PITPNM3: variants seen among roughly 807,000 people sequenced by gnomAD.
PITPNM3 encodes PITPNM family member 3.
Under a neutral mutation model 102.0 loss-of-function variants are expected in PITPNM3, and 26 were observed. The ratio of observed to expected loss-of-function variants is 0.25; its 90% CI spans 0.19 to 0.35. PITPNM3 has a LOEUF of 0.35. PITPNM3 is among the 10% of genes least tolerant of loss of function. The pLI, the probability that PITPNM3 is intolerant of heterozygous loss-of-function variation, is 1.00. For missense variants in PITPNM3, 1,083 were observed against 1,346.1 expected (o/e 0.80, Z 3.06); for synonymous variants, 578 against 558.6 (o/e 1.03, Z -0.49).
Position 6,477,984 on chromosome 17 carries a change from G to A in PITPNM3, c.891C>T (p.Ser297=). The change falls in exon 8 of 20, where the codon AGC becomes AGT. Residue 297 remains serine (S), a synonymous_variant. Coordinates refer to ENST00000262483, the MANE Select transcript of PITPNM3 (RefSeq NM_031220.4). ...PASSSRKGSI[S]STQDTPVAVE... ...TGTCCCCCGGCTGTACCTGGGTGCTGCTGATGCTCCCCTTCCGGCTGCTGC... is the reference window on the plus strand; with the variant it reads ...TGTCCCCCGGCTGTACCTGGGTGCTACTGATGCTCCCCTTCCGGCTGCTGC... 1 of 1,612,966 alleles carries A rather than the reference G, an allele frequency of 6.2e-7. No homozygotes were observed. The highest frequency in any genetic ancestry group is 8.5e-7 in the Non-Finnish European group (1 of 1,180,032).
chr17:6,544,201 T>C (rs890859016), intron 1 of PITPNM3, among the ~76,000 whole-genome samples: 2 of 152,140 alleles, frequency 1.3e-5, no homozygotes, highest in Non-Finnish European at 2.9e-5. Context: ...CTGCCAATGC[T>C]GGATGGACTT....
At chr17:6,474,650 C>T (rs756820242) in intron 9 of PITPNM3, 46 bp from the exon 10 acceptor site, 42 of 1,535,652 alleles carry the variant, frequency 2.7e-5, no homozygotes, top group East Asian at 9.8e-5. Context: ...AGGGAAGGAC[C>T]GAGAATGCGG....
In PITPNM3 at chr17:6,459,458, G is replaced by A. The variant is rs116280149; in HGVS notation, c.2491-1736C>T. On this transcript the variant is annotated intron_variant, in intron 18 of 19. Coordinates refer to ENST00000262483, the MANE Select transcript of PITPNM3 (RefSeq NM_031220.4). This position sits in a 1 kb window ranked among gnomAD's most constrained non-coding sequence, Gnocchi z 5.0. ...AGCCTCTTCTAACGCCTCATCTCCC[G>A]TCTCATGGCTCCACTGATCCGTCTC... is the stretch of plus-strand genomic sequence containing the variant. 9.7e-3 allele frequency among the ~76,000 whole-genome samples: 1,477 copies of A among 151,712 alleles called. 16 individuals are homozygous for A. The highest frequency in any genetic ancestry group is 0.033 in the African/African-American group (1,380 of 41,294).
chr17:6,552,421 A>G (rs1910361407), intron 1 of PITPNM3, among the ~76,000 whole-genome samples: 1 of 152,096 alleles, frequency 6.6e-6, no homozygotes, highest in South Asian at 2.1e-4. Context: ...GGCTGGCAGG[A>G]GTCAGAATCA....
At chr17:6,550,389 T>C (rs763814590) in intron 1 of PITPNM3, among the ~76,000 whole-genome samples, 34 of 152,200 alleles carry the variant, frequency 2.2e-4, no homozygotes, top group Non-Finnish European at 3.5e-4. Flanking sequence ...AGAGCTGCTA[T>C]AGGATCTGAG....
chr17:6,462,781 G>A (rs1193068081), intron 17 of PITPNM3, among the ~76,000 whole-genome samples: 1 of 152,198 alleles, frequency 6.6e-6, no homozygotes, highest in Non-Finnish European at 1.5e-5. Flanking sequence ...CAGGGGTGCA[G>A]GGATCACCCC....
In PITPNM3 at chr17:6,469,800, A is replaced by T. The variant is rs575527167; in HGVS notation, c.1773+460T>A. Among the ~76,000 whole-genome samples the T allele has an allele frequency of 1.3e-5, 2 of 152,294 alleles. No homozygotes were observed. The highest frequency in any genetic ancestry group is 4.2e-4 in the South Asian group (2 of 4,812). On this transcript the variant is annotated intron_variant, in intron 13 of 19. Coordinates refer to ENST00000262483, the MANE Select transcript of PITPNM3 (RefSeq NM_031220.4). This position sits in a 1 kb window ranked among gnomAD's most constrained non-coding sequence, Gnocchi z 4.0. Reference sequence around the variant, plus strand: ...GCAATGGCTTCCCGTTGAACCCAATATAAAACCATACCCCTGACCTTGGCC... The same window carrying T: ...GCAATGGCTTCCCGTTGAACCCAATTTAAAACCATACCCCTGACCTTGGCC...
chr17:6,477,244 A>G, intron 8 of PITPNM3, 31 bp from the exon 9 acceptor site: 4 of 1,607,980 alleles, frequency 2.5e-6, no homozygotes, highest in Non-Finnish European at 3.4e-6. Flanking sequence ...CAGGAGAGAA[A>G]AAGACTGTTG....
At chr17:6,543,972 G>C (rs866751763) in intron 1 of PITPNM3, among the ~76,000 whole-genome samples, 1 of 152,228 alleles carries the variant, frequency 6.6e-6, no homozygotes, top group African/African-American at 2.4e-5. Context: ...CAAGGGTAAG[G>C]AGCATCGGGG....
chr17:6,455,662 G>T lies in PITPNM3; in HGVS notation c.2620-19C>A, dbSNP rs373992381. 2.4e-5 allele frequency: 35 copies of T among 1,474,030 alleles called. No homozygotes were observed. The highest frequency in any genetic ancestry group is 2.8e-5 in the Non-Finnish European group (31 of 1,122,160). 91.3% of individuals were successfully genotyped at this position (1,474,030 alleles called of 1,614,324 possible). ...TCAGGAACTGCGGAGGGCAGGGGAGGGCAGGGGAGGGCAGGGCAGGGCAGC... is the reference window on the plus strand; with the variant it reads ...TCAGGAACTGCGGAGGGCAGGGGAGTGCAGGGGAGGGCAGGGCAGGGCAGC... On this transcript the variant is annotated intron_variant, in intron 19 of 19. Transcript: ENST00000262483.
chr17:6,475,641 T>C (rs1905268447), intron 9 of PITPNM3, among the ~76,000 whole-genome samples: 1 of 152,204 alleles, frequency 6.6e-6, no homozygotes, highest in South Asian at 2.1e-4. Context: ...ATGTACAGCG[T>C]GGTCCCTAAA....
In PITPNM3 at chr17:6,478,822, A is replaced by C; in HGVS notation, c.588-86T>G. ...CTGAGGATCAGGCAGAAGAGAGCACATACTGGCCAGGAATTGGGCTCCAGG... is the reference window on the plus strand; with the variant it reads ...CTGAGGATCAGGCAGAAGAGAGCACCTACTGGCCAGGAATTGGGCTCCAGG... On this transcript the variant is annotated intron_variant, in intron 6 of 19. Transcript: ENST00000262483. The surrounding 1 kb of genome is among the most constrained non-coding windows in gnomAD (Gnocchi z 4.4). The C allele has an allele frequency of 1.5e-6, 2 of 1,367,026 alleles. No individual in the cohort carries two copies. The highest frequency in any genetic ancestry group is 9.8e-7 in the Non-Finnish European group (1 of 1,015,478). The allele number at this position is 1,367,026 out of a possible 1,614,324, so 84.7% of individuals were successfully genotyped here. A position where few individuals can be genotyped will look rare whatever the true frequency, so the allele number is the denominator to read the frequency against.
chr17:6,531,273 G>A (rs1909129754), intron 2 of PITPNM3, among the ~76,000 whole-genome samples: 1 of 152,188 alleles, frequency 6.6e-6, no homozygotes, highest in Non-Finnish European at 1.5e-5. Flanking sequence ...GGCATATCCA[G>A]CCAAATCCCA....
Position 6,484,218 on chromosome 17 carries a change from C to T in PITPNM3, c.349G>A (p.Glu117Lys), listed in dbSNP as rs201569325. 1.4e-5 allele frequency: 23 copies of T among 1,607,056 alleles called. No individual in the cohort carries two copies. The South Asian group carries it at 1.8e-4, about 12-fold the overall frequency. ...ACACCCTCCGAAGCCCAGCCTACCTCGCTGTCTTCGTGGATCTCGATGCTT... is the reference window on the plus strand; with the variant it reads ...ACACCCTCCGAAGCCCAGCCTACCTTGCTGTCTTCGTGGATCTCGATGCTT... ...QGSIEIHEDS[E>K]EGCPQRSCKT... The change falls in exon 5 of 20, where the codon GAG (glutamate) becomes AAG (lysine). Residue 117 changes from glutamate (E) to lysine (K), a missense_variant and splice_region_variant. Transcript: ENST00000262483.
At chr17:6,484,119 A>C in intron 5 of PITPNM3, 97 bp downstream of exon 5, 5 of 1,338,042 alleles carry the variant, frequency 3.7e-6, no homozygotes, top group South Asian at 1.2e-5. Flanking sequence ...AGTCAGACGA[A>C]GAGCTGGAAG....
rs1277381681 is a variant in PITPNM3 at position 6,538,769 on chromosome 17, TCTGA to T, written c.23-691_23-688del. On this transcript the variant is annotated intron_variant, in intron 1 of 19. Transcript: ENST00000262483. ...AGACTGTCCTTTGAAACTCTTCTAC[TCTGA>T]CTGATATTGGAGGAGCCCACCTGGC... 2.0e-5 allele frequency among the ~76,000 whole-genome samples: 3 copies of T among 152,266 alleles called. No individual in the cohort carries two copies. The East Asian group carries it at 5.8e-4, about 29-fold the overall frequency.
chr17:6,504,849 C>T (rs753777997), intron 3 of PITPNM3, among the ~76,000 whole-genome samples: 19 of 152,186 alleles, frequency 1.2e-4, no homozygotes, highest in South Asian at 6.2e-4. Flanking sequence ...GTACTTGCCT[C>T]GGAGGGTTAC....
Position 6,484,303 on chromosome 17 carries a change from A to T in PITPNM3, c.275-11T>A. ...CCCGGTACAGTTCTCCTGCAGAGGG[A>T]AAGAGGGGAGCTCAGCATCTCCAGG... is the stretch of plus-strand genomic sequence containing the variant. On this transcript the variant is annotated splice_polypyrimidine_tract_variant and intron_variant, in intron 4 of 19. Transcript: ENST00000262483. The T allele has an allele frequency of 6.3e-7, 1 of 1,591,482 alleles. No individual in the cohort carries two copies. The highest frequency in any genetic ancestry group is 1.1e-5 in the South Asian group (1 of 90,576).
intron 1 of PITPNM3, among the ~76,000 whole-genome samples, chr17:6,539,757 T>G (rs1909635180): frequency 6.6e-6 from 1 of 152,228 alleles, no homozygotes; most frequent in Non-Finnish European, 1.5e-5. Context: ...TCTACTACAT[T>G]TGCATACTAT....
Sources: gnomAD v4.1 joint callset for allele counts (sites outside exome capture counted in the v4.1 genomes callset) on GRCh38, gnomAD v4.1.1 for gene constraint, Gnocchi (gnomAD v3.1) non-coding constraint, MANE v1.5 for transcripts, NCBI Gene and HGNC (gene_info 2026-07-23, HGNC 2026-07-21) for gene names.